Variants in DCAKD observed in about 807,000 individuals in gnomAD.
The protein encoded by DCAKD is dephospho-CoA kinase domain-containing protein.
DCAKD carries 15 observed loss-of-function variants against 18.7 expected under a neutral mutation model. That is an observed-to-expected ratio of 0.80 (90% CI 0.54 to 1.24). The LOEUF (loss-of-function observed/expected upper bound fraction) is 1.24. Ranked by LOEUF, DCAKD falls within the 50% of genes most tolerant of loss-of-function variation. The pLI is 0.00. For synonymous variants in DCAKD, 130 were observed against 133.0 expected (o/e 0.98, Z 0.16); for missense variants, 301 against 322.0 (o/e 0.93, Z 0.50).
upstream of DCAKD, among the ~76,000 whole-genome samples, chr17:45,053,019 C>G (rs1199878992): frequency 2.2e-5 from 2 of 91,542 alleles, no homozygotes; most frequent in Non-Finnish European, 4.7e-5. Context: ...CAAAATTAGC[C>G]GGGCGTGGTG....
upstream of DCAKD, among the ~76,000 whole-genome samples, chr17:45,054,924 C>T (rs2053764645): frequency 6.6e-6 from 1 of 152,154 alleles, no homozygotes; most frequent in Non-Finnish European, 1.5e-5. Context: ...AGTATTATAA[C>T]TATTCATGTA....
At chr17:45,054,250 A>ATTTT (rs145150422), upstream of DCAKD, 8 of 425,658 alleles carry the variant, frequency 1.9e-5, no homozygotes, top group South Asian at 5.3e-5. Context: ...AGACAGTTTT[A>ATTTT]TTTATTTTTT....
At chr17:45,055,148 T>C (rs1186942929), upstream of DCAKD, among the ~76,000 whole-genome samples, 1 of 152,198 alleles carries the variant, frequency 6.6e-6, no homozygotes. Context: ...TCTTTCATGA[T>C]TCAGGATGGC....
intron 1 of DCAKD, among the ~76,000 whole-genome samples, chr17:45,059,220 A>T (rs2053821698): frequency 6.6e-6 from 1 of 152,076 alleles, no homozygotes; most frequent in Non-Finnish European, 1.5e-5. Flanking sequence ...AGCCTGGGCG[A>T]CAGAGCAAGA....
upstream of DCAKD, among the ~76,000 whole-genome samples, chr17:45,052,295 G>T (rs987680900): frequency 6.6e-6 from 1 of 152,204 alleles, no homozygotes. Context: ...TACTTGTGCA[G>T]CCTTGGCAGA....
intron 3 of DCAKD, chr17:45,033,858 G>A (rs1392002575): frequency 7.9e-7 from 1 of 1,258,084 alleles, no homozygotes; most frequent in African/African-American, 1.5e-5. Context: ...GTCAGGGTTG[G>A]GATTTGAACT....
chr17:45,035,935 G>A (rs970096817), intron 1 of DCAKD, among the ~76,000 whole-genome samples: 6 of 152,126 alleles, frequency 3.9e-5, no homozygotes, highest in Non-Finnish European at 7.4e-5. Flanking sequence ...GAACTGAGCC[G>A]CAAGCAGTGG....
chr17:45,043,128 G>A (rs1302737231), intron 1 of DCAKD, among the ~76,000 whole-genome samples: 3 of 152,020 alleles, frequency 2.0e-5, no homozygotes, highest in East Asian at 3.8e-4. Flanking sequence ...ATTTAATTCA[G>A]CATCCTGAGC....
At chr17:45,046,421 G>A (rs916096470) in intron 1 of DCAKD, among the ~76,000 whole-genome samples, 7 of 152,026 alleles carry the variant, frequency 4.6e-5, no homozygotes, top group Non-Finnish European at 7.4e-5. Flanking sequence ...TTTGAGACCA[G>A]CCTGGCCAAT....
At chr17:45,046,819 A>G (rs1345785481) in intron 1 of DCAKD, among the ~76,000 whole-genome samples, 1 of 152,040 alleles carries the variant, frequency 6.6e-6, no homozygotes, top group African/African-American at 2.4e-5. Context: ...CCCATCTCCC[A>G]TGTTTCAGAG....
At position 45,024,732 on chromosome 17, in the gene DCAKD, T is replaced by C. The variant is rs776863871; in HGVS notation, c.405-8A>G. 3.8e-6 allele frequency: 6 copies of C among 1,560,084 alleles called. No individual in the cohort carries two copies. The African/African-American group carries it at 5.4e-5, about 14-fold the overall frequency. On this transcript the variant is annotated splice_region_variant and splice_polypyrimidine_tract_variant and intron_variant, in intron 4 of 4. Transcript: ENST00000651974. ...AGCTGTGTGTCCCGGTCGCTAAGGA[T>C]AGGGCAAAAGGGCACTGTAGGTCCT...
At chr17:45,040,784 C>A (rs1373020551) in intron 1 of DCAKD, among the ~76,000 whole-genome samples, 1 of 152,112 alleles carries the variant, frequency 6.6e-6, no homozygotes, top group African/African-American at 2.4e-5. Flanking sequence ...AGCTCTAAGG[C>A]CTGTGAAATG....
At chr17:45,026,669 A>G (rs2053062451) in intron 4 of DCAKD, 14 of 985,422 alleles carry the variant, frequency 1.4e-5, no homozygotes, top group Non-Finnish European at 1.7e-5. Context: ...GAGGCCAAAA[A>G]CAAATGCAGC....
At chr17:45,056,480 T>A (rs112106588), upstream of DCAKD, among the ~76,000 whole-genome samples, 42,356 of 146,944 alleles carry the variant, frequency 0.29, 6,559 homozygotes, top group Middle Eastern at 0.4. Flanking sequence ...TTATATATAT[T>A]TTTTTTTTCC....
chr17:45,044,794 G>T (rs556460130), intron 1 of DCAKD, among the ~76,000 whole-genome samples: 11 of 152,316 alleles, frequency 7.2e-5, no homozygotes, highest in Non-Finnish European at 1.2e-4. Flanking sequence ...TCAAGACAAG[G>T]CTGGTTGGGA....
chr17:45,060,868 C>A, intron 1 of DCAKD: 1 of 256,020 alleles, frequency 3.9e-6, no homozygotes. Flanking sequence ...CACCCGCGGG[C>A]CTCAGGCCCT....
At chr17:45,035,889 T>C (rs984316366) in intron 1 of DCAKD, among the ~76,000 whole-genome samples, 1 of 152,142 alleles carries the variant, frequency 6.6e-6, no homozygotes, top group African/African-American at 2.4e-5. Flanking sequence ...GTAGCTGATA[T>C]AGATGGAGAC....
chr17:45,023,603 T>TTA lies in DCAKD; in HGVS notation c.*829_*830insTA, dbSNP rs748576655. ...CCTGAACTGAGAGCTAGTTGTAGGT[T>TTA]AAAAAAAAAAAAAAAAAAAAAAAGG... On this transcript the variant is annotated 3_prime_UTR_variant, in exon 5 of 5. Coordinates refer to ENST00000651974, the MANE Select transcript of DCAKD (RefSeq NM_001288655.2). 1 of 81,702 alleles carries TTA rather than the reference T, an allele frequency of 1.2e-5. No homozygotes were observed. The highest frequency in any genetic ancestry group is 2.3e-5 in the Non-Finnish European group (1 of 43,784). 5.1% of individuals were successfully genotyped at this position (81,702 alleles called of 1,614,324 possible).
At chr17:45,050,844 A>T (rs1473327532) in intron 1 of DCAKD, among the ~76,000 whole-genome samples, 1 of 152,228 alleles carries the variant, frequency 6.6e-6, no homozygotes, top group African/African-American at 2.4e-5. Context: ...GTAAGCAAAC[A>T]CCTGAAATGC....
Sources: allele counts gnomAD v4.1 joint callset (sites outside exome capture counted in the v4.1 genomes callset), GRCh38; gene constraint gnomAD v4.1.1; transcripts MANE v1.5; gene names NCBI Gene and HGNC (gene_info 2026-07-23, HGNC 2026-07-21).